The following HYAL3 variants were observed in gnomAD, a reference collection of about 807,000 sequenced individuals.
The protein encoded by HYAL3 is hyaluronidase 3.
A neutral mutation model predicts 29.6 loss-of-function variants in HYAL3; 25 were observed. The observed-to-expected ratio is 0.85, with a 90% confidence interval of 0.62 to 1.18. HYAL3 has a LOEUF of 1.18. Ranked by LOEUF, HYAL3 falls within the 50% of genes most tolerant of loss-of-function variation. HYAL3 has a pLI of 0.00. For missense variants in HYAL3, 442 were observed against 548.4 expected (o/e 0.81, Z 1.94); for synonymous variants, 215 against 218.3 (o/e 0.99, Z 0.13).
intron 2 of HYAL3, 71 bp downstream of exon 2, chr3:50,294,635 GTCT>G (rs1226571239): frequency 1.4e-5 from 19 of 1,314,906 alleles, no homozygotes; most frequent in Non-Finnish European, 1.7e-5. Context: ...CCTAGGCAAG[GTCT>G]TCTCCTGGGA....
In HYAL3 at chr3:50,297,589, T is replaced by C. The variant is rs1701906499; in HGVS notation, c.-18+1624A>G. 21 of 1,489,350 alleles carry C rather than the reference T, an allele frequency of 1.4e-5. No homozygotes were observed. The highest frequency in any genetic ancestry group is 1.5e-5 in the Non-Finnish European group (17 of 1,122,354). 92.3% of individuals were successfully genotyped at this position (1,489,350 alleles called of 1,614,324 possible). On this transcript the variant is annotated intron_variant, in intron 1 of 3. Transcript: ENST00000336307. This position sits in a 1 kb window ranked among gnomAD's most constrained non-coding sequence, Gnocchi z 4.3. ...GGAGCCAAGGTCACCTGCTGCTAGG[T>C]TGCAGGTGGCTCAGTGCCAGGCTGG...
intron 1 of HYAL3, chr3:50,296,278 C>A: frequency 5.4e-6 from 2 of 368,962 alleles, no homozygotes; most frequent in East Asian, 4.8e-5. Context: ...AGGCAAAGGA[C>A]AGGCATCCTC....
rs782802531 is a variant in HYAL3, at chr3:50,295,272, G to T, written c.331C>A (p.Gln111Lys). 6.2e-7 allele frequency: 1 copy of T among 1,614,048 alleles called. No individual in the cohort carries two copies. Among genetic ancestry groups the T allele is most frequent in the South Asian group, 1.1e-5 (1 of 91,090 alleles). The part of the protein sequence containing the change: ...LDRHLALAAY[Q>K]IHHSLRPGFA... ...CCAGGTCTCAGGCTGTGGTGGATCT[G>T]GTAGGCAGCCAGTGCCAGGTGGCGG... is the stretch of plus-strand genomic sequence containing the variant. Residue 111 changes from glutamine (Q) to lysine (K), a missense_variant, in exon 2 of 4, where the codon CAG (glutamine) becomes AAG (lysine). Transcript: ENST00000336307.
chr3:50,297,450 AG>A lies in HYAL3; in HGVS notation c.-18+1762del. 6.2e-7 allele frequency: 1 copy of A among 1,607,582 alleles called. No homozygotes were observed. The highest frequency in any genetic ancestry group is 8.5e-7 in the Non-Finnish European group (1 of 1,176,428). On this transcript the variant is annotated intron_variant, in intron 1 of 3. Transcript: ENST00000336307. The surrounding 1 kb of genome is among the most constrained non-coding windows in gnomAD (Gnocchi z 4.3). The stretch of plus-strand genomic sequence containing the variant: ...AGTCAGCTCAGCTGGGCTGGTACTC[AG>A]GATCAGCTCCATCCGGTGTGTAGGG...
chr3:50,298,976 A>T, intron 1 of HYAL3: 4 of 1,449,102 alleles, frequency 2.8e-6, no homozygotes, highest in Middle Eastern at 2.5e-4. Context: ...GTCCTCAGAG[A>T]GTGGCTTCTC....
In HYAL3 at chr3:50,294,932, G is replaced by A. The variant is rs1701780235; in HGVS notation, c.671C>T (p.Thr224Ile). Residue 224 changes from threonine to isoleucine, a missense_variant, in exon 2 of 4, where the codon ACC (threonine) becomes ATC (isoleucine). By Grantham distance (89) the Thr-to-Ile change is moderately conservative. Transcript: ENST00000336307. ...ATGCAGTTGAGTGTTGCGGGCAAGG[G>A]TGGCTGCATGGCAGCGGCCGGTATA... ...SNYTGRCHAA[T>I]LARNTQLHWL... The A allele has an allele frequency of 3.1e-6, 5 of 1,603,040 alleles. No homozygotes were observed. Among genetic ancestry groups the A allele is most frequent in the South Asian group, 1.1e-5 (1 of 90,536 alleles).
intron 1 of HYAL3, chr3:50,298,067 GTCC>G (rs782021237): frequency 2.0e-6 from 2 of 985,532 alleles, no homozygotes; most frequent in Non-Finnish European, 2.4e-6. Context: ...TCTTCCAGTA[GTCC>G]TCCTAGTCCA....
At chr3:50,298,123 C>A (rs587714783) in intron 1 of HYAL3, 4 of 983,910 alleles carry the variant, frequency 4.1e-6, no homozygotes, top group Admixed American at 6.1e-5. Context: ...GACACTATAC[C>A]CCCTGCTCAA....
In HYAL3 at chr3:50,293,446, C is replaced by T; in HGVS notation, c.1054G>A (p.Ala352Thr). The T allele has an allele frequency of 6.2e-7, 1 of 1,613,742 alleles. No individual in the cohort carries two copies. Among genetic ancestry groups the T allele is most frequent in the Non-Finnish European group, 8.5e-7 (1 of 1,180,026 alleles). The change falls in exon 4 of 4, where the codon GCA (alanine) becomes ACA (threonine). Residue 352 changes from alanine to threonine, a missense_variant. Coordinates refer to ENST00000336307, the MANE Select transcript of HYAL3 (RefSeq NM_003549.4). ...LGPYVINVTR[A>T]AMACSHQRCH... ...CGCTGGTGACTGCAGGCCATCGCTG[C>T]CCTGGTCACATTGATCACATAGGGG...
rs1553711487 is a variant in HYAL3, at chr3:50,297,276, TCC to T, written c.-17-1659_-17-1658del. Reference sequence around the variant, plus strand: ...GAGCTCGGGTCGGCGGTGCACAGGCTCCAGGGTCAACTCAGCCAGGCTAGGAG... The same window carrying T: ...GAGCTCGGGTCGGCGGTGCACAGGCTAGGGTCAACTCAGCCAGGCTAGGAG... On this transcript the variant is annotated intron_variant, in intron 1 of 3. Coordinates refer to ENST00000336307, the MANE Select transcript of HYAL3 (RefSeq NM_003549.4). This position sits in a 1 kb window ranked among gnomAD's most constrained non-coding sequence, Gnocchi z 4.3. 6.2e-7 allele frequency: 1 copy of T among 1,606,948 alleles called. No homozygotes were observed. Among genetic ancestry groups the T allele is most frequent in the East Asian group, 2.2e-5 (1 of 44,728 alleles).
At position 50,296,633 on chromosome 3, in the gene HYAL3, G is replaced by T. The variant is rs201246355; in HGVS notation, c.-17-1014C>A. ...TGTCTTTTTCCATCCAGAATATGGG[G>T]CGCCCCCTCACATTTTGATATTGTG... On this transcript the variant is annotated intron_variant, in intron 1 of 3. Transcript: ENST00000336307. 56 of 1,614,054 alleles carry T rather than the reference G, an allele frequency of 3.5e-5. No homozygotes were observed. The African/African-American group carries it at 7.2e-4, about 21-fold the overall frequency.
At position 50,293,093 on chromosome 3, in the gene HYAL3, G is replaced by T; in HGVS notation, c.*153C>A. The T allele has an allele frequency of 6.9e-7, 1 of 1,444,414 alleles. No homozygotes were observed. Among genetic ancestry groups the T allele is most frequent in the Non-Finnish European group, 9.6e-7 (1 of 1,037,142 alleles). 89.5% of individuals were successfully genotyped at this position (1,444,414 alleles called of 1,614,324 possible). A position where few individuals can be genotyped will look rare whatever the true frequency, so the allele number is the denominator to read the frequency against. On this transcript the variant is annotated 3_prime_UTR_variant, in exon 4 of 4. Coordinates refer to ENST00000336307, the MANE Select transcript of HYAL3 (RefSeq NM_003549.4). ...TCTGGTTTTATAAGCGTTTTTTCTG[G>T]CCCCTTCTACCCCTCAGGGATTCCA... is the stretch of plus-strand genomic sequence containing the variant.
At position 50,293,429 on chromosome 3, in the gene HYAL3, A is replaced by C; in HGVS notation, c.1071T>G (p.Ser357Arg). The change falls in exon 4 of 4, where the codon AGT becomes AGG. Residue 357 changes from serine to arginine, a missense_variant. Transcript: ENST00000336307. Reference protein sequence around the residue: ...INVTRAAMACSHQRCHGHGRC... With the variant: ...INVTRAAMACRHQRCHGHGRC... ...GCCCGTGGCCATGGCACCGCTGGTGACTGCAGGCCATCGCTGCCCTGGTCA... is the reference window on the plus strand; with the variant it reads ...GCCCGTGGCCATGGCACCGCTGGTGCCTGCAGGCCATCGCTGCCCTGGTCA... The C allele has an allele frequency of 6.2e-7, 1 of 1,613,720 alleles. No homozygotes were observed. The highest frequency in any genetic ancestry group is 1.7e-5 in the Admixed American group (1 of 60,030).
rs782024212 is a variant in HYAL3 at position 50,295,366 on chromosome 3, G to A, written c.237C>T (p.Gly79=). 5 of 1,614,072 alleles carry A rather than the reference G, an allele frequency of 3.1e-6. No individual in the cohort carries two copies. Among genetic ancestry groups the A allele is most frequent in the Non-Finnish European group, 4.2e-6 (5 of 1,180,046 alleles). Residue 79 remains glycine, a synonymous_variant, in exon 2 of 4, where the codon GGC becomes GGT. Transcript: ENST00000336307. Reference sequence around the variant, plus strand: ...CCCTGGGTCCAAAGTAGGGATAGAGGCCGAGTTGGTTCTTGTAGAAAATGG... The same window carrying A: ...CCCTGGGTCCAAAGTAGGGATAGAGACCGAGTTGGTTCTTGTAGAAAATGG... ...NMTIFYKNQL[G]LYPYFGPRGT...
At position 50,293,466 on chromosome 3, in the gene HYAL3, T is replaced by TAG. The variant is rs781991782; in HGVS notation, c.1032_1033dup (p.Tyr345SerfsTer3). 24 of 1,613,792 alleles carry TAG rather than the reference T, an allele frequency of 1.5e-5. 1 individual carries two copies. In the South Asian group the frequency reaches 2.5e-4, roughly 17 times the overall value. On this transcript the variant is annotated frameshift_variant, in exon 4 of 4. Transcript: ENST00000336307. LOFTEE classifies it high-confidence loss of function. ...CGCTGCCCTGGTCACATTGATCACA[T>TAG]AGGGGCCCAAGGTGTCCACCAGGTA...
chr3:50,296,960 GC>G, intron 1 of HYAL3: 1 of 1,597,914 alleles, frequency 6.3e-7, no homozygotes, highest in Non-Finnish European at 8.5e-7. Flanking sequence ...GCTTGCGGAA[GC>G]CCCGGGCCCG....
rs1701974914 is a variant in HYAL3, at chr3:50,298,688, C to T, written c.-18+525G>A. On this transcript the variant is annotated intron_variant, in intron 1 of 3. Transcript: ENST00000336307. Reference sequence around the variant, plus strand: ...CGGGCAGCTGAGCCCCCTCCTTCTACTCACCTGCTCCAGAGGGGGCCTCCT... The same window carrying T: ...CGGGCAGCTGAGCCCCCTCCTTCTATTCACCTGCTCCAGAGGGGGCCTCCT... The T allele has an allele frequency of 4.3e-6, 4 of 920,838 alleles. No individual in the cohort carries two copies. The South Asian group carries it at 1.3e-4, about 31-fold the overall frequency. The allele number at this position is 920,838 out of a possible 1,614,324, so 57.0% of individuals were successfully genotyped here. A position where few individuals can be genotyped will look rare whatever the true frequency, so the allele number is the denominator to read the frequency against.
chr3:50,295,156 A>G lies in HYAL3; in HGVS notation c.447T>C (p.Ser149=). The change falls in exon 2 of 4, where the codon TCT becomes TCC. Residue 149 remains serine (S), a synonymous_variant. Coordinates refer to ENST00000336307, the MANE Select transcript of HYAL3 (RefSeq NM_003549.4). ...WGRRRAYQAA[S]WAWAQQVFPD... is the part of the protein sequence containing the mutation. The stretch of plus-strand genomic sequence containing the variant: ...GGAATACCTGCTGTGCCCAAGCCCA[A>G]GAGGCTGCCTGATAAGCTCGGCGGC... 3 of 1,613,564 alleles carry G rather than the reference A, an allele frequency of 1.9e-6. No individual in the cohort carries two copies. The highest frequency in any genetic ancestry group is 2.7e-5 in the African/African-American group (2 of 75,060).
chr3:50,295,881 G>A (rs587596235), intron 1 of HYAL3: 17 of 460,640 alleles, frequency 3.7e-5, no homozygotes, highest in Middle Eastern at 5.8e-4. Context: ...CCCATGTTCC[G>A]TCTTTGTCAA....
Sources: allele counts gnomAD v4.1 joint callset, GRCh38; gene constraint gnomAD v4.1.1; non-coding constraint Gnocchi (gnomAD v3.1); transcripts MANE v1.5; gene names NCBI Gene and HGNC (gene_info 2026-07-23, HGNC 2026-07-21).